Variants in IAPP observed in about 807,000 individuals in gnomAD.
IAPP encodes Islet amyloid polypeptide (diabetes-associated peptide; amylin).
IAPP carries 4 observed loss-of-function variants against 2.9 expected under a neutral mutation model. That is an observed-to-expected ratio of 1.39 (90% confidence interval 0.69 to 3.19). IAPP has a LOEUF of 3.19. Ranked by LOEUF, IAPP falls within the 30% of genes most tolerant of loss-of-function variation. IAPP has a pLI of 0.01. For synonymous variants in IAPP, 40 were observed against 42.1 expected, an observed-to-expected ratio of 0.95 and a Z score of 0.19; for missense variants, 114 against 105.3, an observed-to-expected ratio of 1.08 and a Z score of -0.36.
chr12:21,377,872 T>C (rs948873531), intron 2 of IAPP, among the ~76,000 whole-genome samples: 3 of 152,164 alleles, frequency 2.0e-5, no homozygotes, highest in Non-Finnish European at 4.4e-5. Context: ...TCAGATTACA[T>C]ATAAATTTTA....
At chr12:21,361,822 C>T (rs1381394328) in intron 1 of IAPP, among the ~76,000 whole-genome samples, 1 of 151,942 alleles carries the variant, frequency 6.6e-6, no homozygotes, top group Admixed American at 6.6e-5. Flanking sequence ...GAATGAAATG[C>T]AGGGAGAAGA....
At chr12:21,364,573 A>C (rs1308957006) in intron 1 of IAPP, among the ~76,000 whole-genome samples, 6 of 152,186 alleles carry the variant, frequency 3.9e-5, no homozygotes, top group Non-Finnish European at 8.8e-5. Flanking sequence ...GAAAGAAATA[A>C]AGGGTATTCA....
At chr12:21,360,530 G>A (rs918165893) in intron 1 of IAPP, among the ~76,000 whole-genome samples, 2 of 152,214 alleles carry the variant, frequency 1.3e-5, no homozygotes, top group African/African-American at 2.4e-5. Context: ...TGAGGTACCA[G>A]GTTCATCTCA....
At position 21,379,138 on chromosome 12, in the gene IAPP, C is replaced by T. The variant is rs907589992; in HGVS notation, c.*712C>T. The T allele has an allele frequency of 6.6e-6, 1 of 152,132 alleles. No individual in the cohort carries two copies. Among genetic ancestry groups the T allele is most frequent in the South Asian group, 2.1e-4 (1 of 4,830 alleles). 9.4% of individuals were successfully genotyped at this position (152,132 alleles called of 1,614,324 possible). The stretch of plus-strand genomic sequence containing the variant: ...ATAAGCAAATTAGTAATTGTCAATA[C>T]CCCTGTTAAGCAATTCCTTTTTGCA... On this transcript the variant is annotated 3_prime_UTR_variant, in exon 3 of 3. Transcript: ENST00000240652.
chr12:21,365,342 A>G (rs549847040), intron 1 of IAPP, among the ~76,000 whole-genome samples: 1 of 152,354 alleles, frequency 6.6e-6, no homozygotes, highest in South Asian at 2.1e-4. Context: ...CTGGCTAGCC[A>G]TATGTAGAAA....
At position 21,378,454 on chromosome 12, in the gene IAPP, T is replaced by C; in HGVS notation, c.*28T>C. 4 of 1,560,514 alleles carry C rather than the reference T, an allele frequency of 2.6e-6. No homozygotes were observed. The highest frequency in any genetic ancestry group is 3.5e-6 in the Non-Finnish European group (4 of 1,131,028). Reference sequence around the variant, plus strand: ...GACAATGTAACTCTATAGTTATTGTTTTATGTTCTAGTGATTTCCTGTATA... The same window carrying C: ...GACAATGTAACTCTATAGTTATTGTCTTATGTTCTAGTGATTTCCTGTATA... On this transcript the variant is annotated 3_prime_UTR_variant, in exon 3 of 3. Coordinates refer to ENST00000240652, the MANE Select transcript of IAPP (RefSeq NM_000415.3).
intron 1 of IAPP, among the ~76,000 whole-genome samples, chr12:21,362,971 C>T (rs1031762905): frequency 6.6e-6 from 1 of 152,154 alleles, no homozygotes; most frequent in African/African-American, 2.4e-5. Context: ...CCACTGTGAA[C>T]ATTAGACAGA....
At chr12:21,357,659 T>G (rs982520335) in intron 1 of IAPP, among the ~76,000 whole-genome samples, 5 of 152,194 alleles carry the variant, frequency 3.3e-5, no homozygotes, top group African/African-American at 9.6e-5. Context: ...ATGGGAGAGT[T>G]AAATTATTCT....
intron 2 of IAPP, chr12:21,374,595 G>C (rs573540715): frequency 1.3e-5 from 2 of 152,054 alleles, no homozygotes; most frequent in African/African-American, 4.8e-5. Flanking sequence ...TTAGTTTACA[G>C]GGTGTTCTTC....
intron 1 of IAPP, 53 bp from the exon 2 acceptor site, chr12:21,373,284 C>T: frequency 4.7e-6 from 5 of 1,057,026 alleles, no homozygotes; most frequent in Non-Finnish European, 7.4e-6. Flanking sequence ...AAAATTACAT[C>T]AATTAGAACT....
At chr12:21,372,507 C>A (rs903770753), upstream of IAPP, among the ~76,000 whole-genome samples, 2 of 152,128 alleles carry the variant, frequency 1.3e-5, no homozygotes, top group Non-Finnish European at 2.9e-5. Flanking sequence ...TCATGGGATT[C>A]AGCCATTGAG....
chr12:21,365,844 A>G (rs1235138870), intron 1 of IAPP, among the ~76,000 whole-genome samples: 1 of 152,222 alleles, frequency 6.6e-6, no homozygotes, highest in African/African-American at 2.4e-5. Context: ...CAAAACCACA[A>G]TGAGATACCA....
intron 2 of IAPP, among the ~76,000 whole-genome samples, chr12:21,377,149 A>G (rs1940258397): frequency 6.6e-6 from 1 of 152,168 alleles, no homozygotes; most frequent in Non-Finnish European, 1.5e-5. Flanking sequence ...GGCTAGAAAA[A>G]TGTGATGAAT....
chr12:21,364,210 G>A (rs1161248297), intron 1 of IAPP, among the ~76,000 whole-genome samples: 2 of 152,144 alleles, frequency 1.3e-5, no homozygotes, highest in African/African-American at 2.4e-5. Context: ...TGATCAAGTT[G>A]GCTTCATCCC....
chr12:21,366,306 A>C lies in IAPP; in HGVS notation c.-15-7031A>C, dbSNP rs1381719050. ...GAGCAAAGTATCACAAGGACAAAAA[A>C]CCAAACACCACATGTTCTCACTCAT... is the stretch of plus-strand genomic sequence containing the variant. On this transcript the variant is annotated intron_variant, in intron 1 of 2. Transcript: ENST00000539393. Among the ~76,000 whole-genome samples the C allele has an allele frequency of 2.0e-5, 3 of 150,950 alleles. No individual in the cohort carries two copies. In the Admixed American group the frequency reaches 2.0e-4, roughly 10 times the overall value.
At chr12:21,360,707 C>G (rs1032488502) in intron 1 of IAPP, among the ~76,000 whole-genome samples, 4 of 152,204 alleles carry the variant, frequency 2.6e-5, no homozygotes, top group African/African-American at 9.6e-5. Flanking sequence ...TCTTTTCCAA[C>G]AGCCTTAGCA....
At chr12:21,368,154 T>C (rs1301792690), upstream of IAPP, among the ~76,000 whole-genome samples, 1 of 152,078 alleles carries the variant, frequency 6.6e-6, no homozygotes, top group African/African-American at 2.4e-5. Flanking sequence ...ATGTACCCCT[T>C]GATATAATGC....
chr12:21,358,595 G>C (rs1938560725), intron 1 of IAPP, among the ~76,000 whole-genome samples: 1 of 151,662 alleles, frequency 6.6e-6, no homozygotes, highest in Non-Finnish European at 1.5e-5. Context: ...ATAATTTTGT[G>C]TCTTATATTT....
intron 1 of IAPP, among the ~76,000 whole-genome samples, chr12:21,355,559 T>C (rs1938301859): frequency 1.3e-5 from 2 of 152,110 alleles, no homozygotes; most frequent in Non-Finnish European, 2.9e-5. Context: ...CTGATGTGAG[T>C]TTCCTATATT....
Sources: allele counts gnomAD v4.1 joint callset (sites outside exome capture counted in the v4.1 genomes callset), GRCh38; gene constraint gnomAD v4.1.1; transcripts MANE v1.5; gene names NCBI Gene and HGNC (gene_info 2026-07-23, HGNC 2026-07-21).